The following MGAT4C variants were observed in gnomAD, a reference collection of about 807,000 sequenced individuals.
The protein encoded by MGAT4C is alpha-1,3-mannosyl-glycoprotein 4-beta-N-acetylglucosaminyltransferase C.
A neutral mutation model predicts 40.1 loss-of-function variants in MGAT4C; 19 were observed. The observed-to-expected ratio is 0.47, with a 90% CI of 0.33 to 0.70. The LOEUF (loss-of-function observed/expected upper bound fraction) is 0.70. Ranked by LOEUF, MGAT4C falls within the 30% of genes least tolerant of loss-of-function variation. The pLI, the probability that MGAT4C is intolerant of heterozygous loss-of-function variation, is 0.02. For missense variants in MGAT4C, 491 were observed against 563.2 expected (o/e 0.87, Z 1.30); for synonymous variants, 181 against 187.1 (o/e 0.97, Z 0.27).
intron 3 of MGAT4C, among the ~76,000 whole-genome samples, chr12:86,416,823 C>A (rs889587827): frequency 6.6e-6 from 1 of 152,060 alleles, no homozygotes; most frequent in African/African-American, 2.4e-5. Context: ...ACAGCTGTAA[C>A]TTCATTTGGC....
At chr12:86,189,523 T>A (rs1056643823) in intron 1 of MGAT4C, among the ~76,000 whole-genome samples, 9 of 152,114 alleles carry the variant, frequency 5.9e-5, no homozygotes, top group South Asian at 4.1e-4. Flanking sequence ...ATTGTATTTT[T>A]AAAAAATTTT....
At position 86,025,243 on chromosome 12, in the gene MGAT4C, C is replaced by A. The variant is rs182010858; in HGVS notation, c.-7+24431G>T. ...TATGGTTTGAGAGCATAATAAAAAT[C>A]TGCAATGAAAAACTCTTTTTAGAAA... On this transcript the variant is annotated intron_variant, in intron 2 of 4. Coordinates refer to ENST00000611864, the MANE Select transcript of MGAT4C (RefSeq NM_001351288.2). Among the ~76,000 whole-genome samples the A allele has an allele frequency of 1.2e-3, 183 of 151,468 alleles. 2 individuals are homozygous for A. In the Middle Eastern group the frequency reaches 0.017, roughly 14 times the overall value.
intron 1 of MGAT4C, among the ~76,000 whole-genome samples, chr12:86,128,478 C>T (rs541552650): frequency 6.6e-5 from 10 of 152,214 alleles, no homozygotes; most frequent in South Asian, 2.1e-4. Flanking sequence ...CAAGAAGTGC[C>T]TTTCACCTCC....
chr12:86,438,511 A>C (rs1957174361), intron 2 of MGAT4C, among the ~76,000 whole-genome samples: 1 of 151,952 alleles, frequency 6.6e-6, no homozygotes. Flanking sequence ...AATTTTCGAT[A>C]ATGAAACAGC....
At chr12:86,213,739 A>G (rs981737223) in intron 1 of MGAT4C, among the ~76,000 whole-genome samples, 16 of 152,372 alleles carry the variant, frequency 1.1e-4, no homozygotes, top group African/African-American at 3.6e-4. Flanking sequence ...ATATGCTAAC[A>G]AAGATGTTTG....
chr12:85,986,364 T>C (rs1390008892), intron 3 of MGAT4C, among the ~76,000 whole-genome samples: 1 of 152,228 alleles, frequency 6.6e-6, no homozygotes, highest in Non-Finnish European at 1.5e-5. Context: ...TGTGGCTACT[T>C]TGAAGATGCT....
chr12:86,065,168 T>C (rs1341286528), intron 1 of MGAT4C, among the ~76,000 whole-genome samples: 4 of 152,228 alleles, frequency 2.6e-5, no homozygotes, highest in East Asian at 1.9e-4. Context: ...CTGAAACTGT[T>C]CCAAACAATA....
chr12:86,526,770 A>G (rs1346243947), intron 2 of MGAT4C, among the ~76,000 whole-genome samples: 1 of 152,184 alleles, frequency 6.6e-6, no homozygotes, highest in African/African-American at 2.4e-5. Context: ...ATGTTCACAC[A>G]CCAAACCGTT....
At chr12:86,161,700 TCAACAGAGCAAACAGA>T (rs1251824393) in intron 1 of MGAT4C, among the ~76,000 whole-genome samples, 3 of 151,960 alleles carry the variant, frequency 2.0e-5, no homozygotes, top group Non-Finnish European at 4.4e-5. Flanking sequence ...AAATAAACTA[TCAACAGAGCAAACAGA>T]CAACTTACTG....
At chr12:86,041,660 C>A (rs1428123067) in intron 2 of MGAT4C, among the ~76,000 whole-genome samples, 3 of 152,062 alleles carry the variant, frequency 2.0e-5, no homozygotes, top group Non-Finnish European at 4.4e-5. Flanking sequence ...GACTTAAATT[C>A]TTATAGTGCT....
chr12:86,420,394 A>T (rs1157753323), intron 3 of MGAT4C, among the ~76,000 whole-genome samples: 13 of 151,664 alleles, frequency 8.6e-5, no homozygotes, highest in Middle Eastern at 3.4e-3. Flanking sequence ...AAAGAAAATT[A>T]AAAAAAAATT....
At chr12:86,070,507 C>T (rs1332657442) in intron 1 of MGAT4C, among the ~76,000 whole-genome samples, 1 of 151,950 alleles carries the variant, frequency 6.6e-6, no homozygotes, top group Non-Finnish European at 1.5e-5. Context: ...TATTCAGCAG[C>T]AAATATTTTT....
chr12:86,270,771 C>A (rs892176333), intron 4 of MGAT4C, among the ~76,000 whole-genome samples: 10 of 152,078 alleles, frequency 6.6e-5, no homozygotes, highest in Middle Eastern at 3.4e-3. Flanking sequence ...TACCTGACTT[C>A]AAAATACATT....
intron 3 of MGAT4C, among the ~76,000 whole-genome samples, chr12:86,367,615 C>T (rs1214344864): frequency 6.6e-6 from 1 of 152,056 alleles, no homozygotes; most frequent in African/African-American, 2.4e-5. Context: ...CTCACTAACA[C>T]GGTGAAACCT....
At position 86,781,561 on chromosome 12, in the gene MGAT4C, A is replaced by C. The variant is rs1293408291; in HGVS notation, c.-261-54320T>G. Reference sequence around the variant, plus strand: ...AAGCTAATTTGAGTAAATGATATTAAAATTTATTCACTGAGAAACATTTTT... The same window carrying C: ...AAGCTAATTTGAGTAAATGATATTACAATTTATTCACTGAGAAACATTTTT... On this transcript the variant is annotated intron_variant, in intron 1 of 7. Transcript: ENST00000548651. Among the ~76,000 whole-genome samples the C allele has an allele frequency of 2.6e-5, 4 of 152,172 alleles. No homozygotes were observed. The East Asian group carries it at 5.8e-4, about 22-fold the overall frequency.
intron 3 of MGAT4C, among the ~76,000 whole-genome samples, chr12:86,432,532 C>A (rs886258982): frequency 2.0e-5 from 3 of 151,774 alleles, no homozygotes; most frequent in Non-Finnish European, 4.4e-5. Flanking sequence ...TGGGGTCATG[C>A]AAGTTGGGAT....
intron 2 of MGAT4C, among the ~76,000 whole-genome samples, chr12:86,686,149 G>T (rs555569736): frequency 1.3e-5 from 2 of 152,164 alleles, no homozygotes; most frequent in Non-Finnish European, 2.9e-5. Flanking sequence ...AAAGTGCTGG[G>T]ATTACAGGGG....
chr12:86,311,406 C>A (rs1356020555), intron 4 of MGAT4C, among the ~76,000 whole-genome samples: 1 of 152,180 alleles, frequency 6.6e-6, no homozygotes, highest in Non-Finnish European at 1.5e-5. Context: ...CTGTCGCTGA[C>A]TGAAACATAA....
At chr12:86,477,538 G>C (rs1349962831) in intron 2 of MGAT4C, among the ~76,000 whole-genome samples, 1 of 151,948 alleles carries the variant, frequency 6.6e-6, no homozygotes, top group East Asian at 1.9e-4. Flanking sequence ...ACCCGCTGAA[G>C]CTGAAATAAA....
Sources: gnomAD v4.1 joint callset for allele counts (sites outside exome capture counted in the v4.1 genomes callset) on GRCh38, gnomAD v4.1.1 for gene constraint, MANE v1.5 for transcripts, NCBI Gene and HGNC (gene_info 2026-07-23, HGNC 2026-07-21) for gene names.